The following CCDC180 variants were observed in gnomAD, a reference collection of about 807,000 sequenced individuals.
The protein encoded by CCDC180 is coiled-coil domain containing 180.
Under a neutral mutation model 209.2 loss-of-function variants are expected in CCDC180, and 154 were observed. That is an observed-to-expected ratio of 0.74 (90% CI 0.65 to 0.84). The LOEUF is 0.84. CCDC180 is among the 40% of genes least tolerant of loss of function. The probability of loss-of-function intolerance (pLI) is 0.00; values close to 1 mark genes in which losing one functional copy is unlikely to be tolerated. For synonymous variants in CCDC180, 778 were observed against 749.1 expected, an observed-to-expected ratio of 1.04 and a Z score of -0.63; for missense variants, 1,874 against 1,997.3, an observed-to-expected ratio of 0.94 and a Z score of 1.18.
Position 97,347,332 on chromosome 9 carries a change from C to T in CCDC180, c.2517C>T (p.Phe839=), listed in dbSNP as rs563303487. Residue 839 remains phenylalanine (F), a synonymous_variant, in exon 20 of 37, where the codon TTC becomes TTT. Transcript: ENST00000529487. ...CCCTCAGACTTCGAGCTGGCTTCTT[C>T]GAGCACCTTGAGAAGTGGTTTGACC... The part of the protein sequence containing the change: ...EIKKQLRAGF[F]EHLEKWFDQC... The T allele has an allele frequency of 7.6e-5, 116 of 1,535,956 alleles. No homozygotes were observed. In the East Asian group the frequency reaches 2.7e-3, roughly 36 times the overall value.
At chr9:97,341,233 A>T (rs910358392) in intron 18 of CCDC180, among the ~76,000 whole-genome samples, 1 of 152,044 alleles carries the variant, frequency 6.6e-6, no homozygotes, top group Non-Finnish European at 1.5e-5. Flanking sequence ...CAGGGCCACT[A>T]CCGGTCTCTG....
chr9:97,319,692 T>G (rs1833294174), intron 10 of CCDC180, among the ~76,000 whole-genome samples: 1 of 152,222 alleles, frequency 6.6e-6, no homozygotes, highest in Admixed American at 6.5e-5. Flanking sequence ...TTTTAATGAC[T>G]TCAGAAGAGG....
rs1826934254 is a variant in CCDC180 at position 97,366,729 on chromosome 9, G to A, written c.4189+29G>A. ...AGTATAGGCAGCAGGAAGGCACGGG[G>A]AACAGGGCGGGGCGCGAAGCCAGTG... On this transcript the variant is annotated intron_variant, in intron 31 of 36. Coordinates refer to ENST00000529487, the MANE Select transcript of CCDC180 (RefSeq NM_020893.6). This position sits in a 1 kb window ranked among gnomAD's most constrained non-coding sequence, Gnocchi z 4.3. 9.9e-6 allele frequency: 16 copies of A among 1,611,900 alleles called. No homozygotes were observed. Among genetic ancestry groups the A allele is most frequent in the Non-Finnish European group, 1.4e-5 (16 of 1,178,874 alleles).
intron 1 of CCDC180, 62 bp downstream of exon 1, chr9:97,307,868 C>G: frequency 6.2e-7 from 1 of 1,606,720 alleles, no homozygotes; most frequent in Non-Finnish European, 8.5e-7. Context: ...GCCGCCTACC[C>G]CCCAGCAGAG....
At position 97,366,530 on chromosome 9, in the gene CCDC180, C is replaced by CA. The variant is rs1298689754; in HGVS notation, c.4048-28dup. On this transcript the variant is annotated intron_variant, in intron 30 of 36. Transcript: ENST00000529487. This position sits in a 1 kb window ranked among gnomAD's most constrained non-coding sequence, Gnocchi z 4.3. Reference sequence around the variant, plus strand: ...AAGGGCCAGAGTCCCATGGAGTCCTCACCCGCACATGGTCACCCTCTCTGG... The same window carrying CA: ...AAGGGCCAGAGTCCCATGGAGTCCTCAACCCGCACATGGTCACCCTCTCTGG... The CA allele has an allele frequency of 6.2e-7, 1 of 1,610,316 alleles. No individual in the cohort carries two copies.
chr9:97,362,508 C>T (rs1384125887), intron 28 of CCDC180, 67 bp downstream of exon 28: 4 of 1,559,070 alleles, frequency 2.6e-6, no homozygotes, highest in Non-Finnish European at 3.5e-6. Flanking sequence ...CAGGAGATGA[C>T]CTATGGCTTT....
At chr9:97,307,641 A>G (rs1419180709), upstream of CCDC180, 6 of 1,193,080 alleles carry the variant, frequency 5.0e-6, no homozygotes, top group Non-Finnish European at 6.2e-6. Context: ...TTAGAGTTCC[A>G]GTCCCAACCG....
chr9:97,317,341 C>G, intron 9 of CCDC180, 113 bp downstream of exon 9: 5 of 995,156 alleles, frequency 5.0e-6, no homozygotes, highest in Non-Finnish European at 7.1e-6. Flanking sequence ...CTGTTTCTCT[C>G]TGCTCTTTTT....
chr9:97,314,544 G>T, intron 6 of CCDC180, 23 bp downstream of exon 6: 2 of 1,613,820 alleles, frequency 1.2e-6, no homozygotes, highest in South Asian at 1.1e-5. Context: ...TCGTGGCTGG[G>T]CCTGCCCCAC....
Position 97,354,714 on chromosome 9 carries a change from G to A in CCDC180, c.3147+1G>A, listed in dbSNP as rs1165139981. The A allele has an allele frequency of 1.2e-6, 2 of 1,614,198 alleles. No homozygotes were observed. The highest frequency in any genetic ancestry group is 1.7e-6 in the Non-Finnish European group (2 of 1,180,040). On this transcript the variant is annotated splice_donor_variant, in intron 23 of 36. Coordinates refer to ENST00000529487, the MANE Select transcript of CCDC180 (RefSeq NM_020893.6). LOFTEE classifies it high-confidence loss of function. The stretch of plus-strand genomic sequence containing the variant: ...GTTGGAGAATGAGTACCTGGACCAG[G>A]TAGGGCCCCCAGCCAGGCCCCAGGC...
At chr9:97,325,454 G>T (rs184313158) in intron 14 of CCDC180, among the ~76,000 whole-genome samples, 37 of 152,274 alleles carry the variant, frequency 2.4e-4, no homozygotes, top group Admixed American at 2.1e-3. Context: ...ACACTTTATT[G>T]CCATTGAAAG....
rs1278237677 is a variant in CCDC180, at chr9:97,378,654, C to T, written c.*1760C>T. On this transcript the variant is annotated 3_prime_UTR_variant, in exon 37 of 37. Coordinates refer to ENST00000529487, the MANE Select transcript of CCDC180 (RefSeq NM_020893.6). ...CACTGCCTGGGGAACCAGATCGCCT[C>T]TGTCGGACAAGGGCGAGGATGTCCC... The T allele has an allele frequency of 1.3e-5, 2 of 152,238 alleles. No homozygotes were observed. The highest frequency in any genetic ancestry group is 4.8e-5 in the African/African-American group (2 of 41,448). The allele number at this position is 152,238 out of a possible 1,614,324, so 9.4% of individuals were successfully genotyped here.
At chr9:97,307,527 G>A (rs965082159), upstream of CCDC180, 2 of 608,308 alleles carry the variant, frequency 3.3e-6, no homozygotes, top group Non-Finnish European at 3.0e-6. Flanking sequence ...CACAGTAGGC[G>A]CCTAATTAGC....
chr9:97,375,283 C>T (rs757292908), intron 35 of CCDC180, among the ~76,000 whole-genome samples, 171 bp from the exon 36 acceptor site: 4 of 152,160 alleles, frequency 2.6e-5, no homozygotes, highest in Non-Finnish European at 5.9e-5. Flanking sequence ...TAATATGAAA[C>T]AGCTTGAACA....
At chr9:97,362,499 A>G in intron 28 of CCDC180, 58 bp downstream of exon 28, 1 of 1,580,458 alleles carries the variant, frequency 6.3e-7, no homozygotes, top group African/African-American at 1.3e-5. Flanking sequence ...ACACAAAGGC[A>G]GGAGATGACC....
intron 26 of CCDC180, 152 bp from the exon 27 acceptor site, chr9:97,361,574 A>G (rs1826753257): frequency 1.5e-6 from 1 of 662,790 alleles, no homozygotes; most frequent in Non-Finnish European, 2.6e-6. Context: ...AGATCACTTT[A>G]CAGAGGAGAA....
At chr9:97,362,514 G>C in intron 28 of CCDC180, 73 bp downstream of exon 28, 1 of 1,549,500 alleles carries the variant, frequency 6.5e-7, no homozygotes. Context: ...ATGACCTATG[G>C]CTTTCCCAGG....
At chr9:97,327,958 T>C in intron 15 of CCDC180, 62 bp from the exon 16 acceptor site, 2 of 1,556,864 alleles carry the variant, frequency 1.3e-6, no homozygotes, top group Non-Finnish European at 1.7e-6. Flanking sequence ...GCAGCCCATC[T>C]CCTTGGGGTC....
At chr9:97,370,374 C>T (rs1827046202) in intron 32 of CCDC180, among the ~76,000 whole-genome samples, 1 of 152,166 alleles carries the variant, frequency 6.6e-6, no homozygotes, top group African/African-American at 2.4e-5. Context: ...GTCCTTGGAG[C>T]TGTGGAACAT....
Sources: gnomAD v4.1 joint callset for allele counts (sites outside exome capture counted in the v4.1 genomes callset) on GRCh38, gnomAD v4.1.1 for gene constraint, Gnocchi (gnomAD v3.1) non-coding constraint, MANE v1.5 for transcripts, NCBI Gene and HGNC (gene_info 2026-07-23, HGNC 2026-07-21) for gene names.